Variants in MAML2 observed in about 807,000 individuals in gnomAD.
MAML2 encodes mastermind like transcriptional coactivator 2.
In MAML2, 22 loss-of-function variants were observed where a neutral mutation model predicts 96.1. That is an observed-to-expected ratio of 0.23 (90% confidence interval 0.16 to 0.33). The LOEUF (loss-of-function observed/expected upper bound fraction) is 0.33, where lower values mean the gene tolerates loss of function less well. MAML2 is among the 10% of genes least tolerant of loss of function. MAML2 has a pLI of 1.00. For missense variants in MAML2, 1,367 were observed against 1,392.4 expected (o/e 0.98, Z 0.29); for synonymous variants, 561 against 521.3 (o/e 1.08, Z -1.04).
At chr11:96,275,269 A>ATTT (rs56407815) in intron 1 of MAML2, among the ~76,000 whole-genome samples, 38 of 111,738 alleles carry the variant, frequency 3.4e-4, no homozygotes, top group East Asian at 5.8e-4. Context: ...ACACTAAGGA[A>ATTT]TTTTTTTTTT....
chr11:96,319,135 C>G (rs1863669823), intron 1 of MAML2, among the ~76,000 whole-genome samples: 1 of 152,164 alleles, frequency 6.6e-6, no homozygotes, highest in African/African-American at 2.4e-5. Flanking sequence ...ACTCATGCAG[C>G]CTATACGGAG....
At chr11:96,072,917 T>A (rs1859370050) in intron 2 of MAML2, among the ~76,000 whole-genome samples, 1 of 152,210 alleles carries the variant, frequency 6.6e-6, no homozygotes, top group Admixed American at 6.5e-5. Context: ...TCATGGTGGC[T>A]CCATTTCAGT....
chr11:96,128,251 G>A (rs1445136310), intron 1 of MAML2, among the ~76,000 whole-genome samples: 6 of 152,016 alleles, frequency 3.9e-5, no homozygotes, highest in African/African-American at 9.7e-5. Context: ...AAAATTAGCC[G>A]GGTGTGGTGG....
intron 1 of MAML2, among the ~76,000 whole-genome samples, chr11:96,297,974 A>G (rs1021840584): frequency 3.0e-4 from 45 of 152,336 alleles, no homozygotes; most frequent in African/African-American, 1.0e-3. Context: ...AGAGTTGAAT[A>G]GTTGAAATCA....
At chr11:96,177,912 TTAGTTGTG>T (rs1861411514) in intron 1 of MAML2, among the ~76,000 whole-genome samples, 1 of 119,182 alleles carries the variant, frequency 8.4e-6, no homozygotes, top group Admixed American at 8.5e-5. Context: ...TCTGGAGACC[TTAGTTGTG>T]TGTGTGTGTG....
chr11:96,215,335 A>G (rs960170729), intron 1 of MAML2, among the ~76,000 whole-genome samples: 1 of 152,208 alleles, frequency 6.6e-6, no homozygotes, highest in Non-Finnish European at 1.5e-5. Context: ...ATCTTCATCA[A>G]GGCCTCACGA....
intron 2 of MAML2, among the ~76,000 whole-genome samples, chr11:96,071,262 C>T (rs1374955384): frequency 3.3e-5 from 5 of 152,258 alleles, no homozygotes; most frequent in East Asian, 1.9e-4. Context: ...TATAAGACCA[C>T]AGAGTCAAAG....
rs1862647651 is a variant in MAML2, at chr11:96,255,320, T to A, written c.513+86063A>T. On this transcript the variant is annotated intron_variant, in intron 1 of 4. Coordinates refer to ENST00000524717, the MANE Select transcript of MAML2 (RefSeq NM_032427.4). The stretch of plus-strand genomic sequence containing the variant: ...TATTGATTGAATGCTGATTACTGAC[T>A]GAGCATAGAAACTATTTCAGTGAAT... Among the ~76,000 whole-genome samples the A allele has an allele frequency of 2.0e-5, 3 of 152,256 alleles. No homozygotes were observed. The South Asian group carries it at 6.2e-4, about 31-fold the overall frequency.
At chr11:96,283,856 TG>T (rs1863102710) in intron 1 of MAML2, among the ~76,000 whole-genome samples, 1 of 152,242 alleles carries the variant, frequency 6.6e-6, no homozygotes, top group Admixed American at 6.5e-5. Context: ...TGAGATTTTT[TG>T]GTCTCTAACT....
At chr11:96,033,764 C>T (rs1014255310) in intron 2 of MAML2, among the ~76,000 whole-genome samples, 1 of 152,062 alleles carries the variant, frequency 6.6e-6, no homozygotes, top group South Asian at 2.1e-4. Context: ...TTCCAGGTTG[C>T]ATTGGCTGGG....
At chr11:96,033,772 G>T (rs518716) in intron 2 of MAML2, among the ~76,000 whole-genome samples, 4 of 151,768 alleles carry the variant, frequency 2.6e-5, no homozygotes, top group Admixed American at 1.3e-4. Context: ...TGCATTGGCT[G>T]GGTTTCATCT....
chr11:96,160,068 G>C (rs1490624622), intron 1 of MAML2, among the ~76,000 whole-genome samples: 1 of 152,134 alleles, frequency 6.6e-6, no homozygotes, highest in Non-Finnish European at 1.5e-5. Context: ...GCCTGCCACA[G>C]TGCTTTTCCC....
At chr11:96,313,241 A>C (rs1314685824) in intron 1 of MAML2, among the ~76,000 whole-genome samples, 3 of 152,170 alleles carry the variant, frequency 2.0e-5, no homozygotes, top group Non-Finnish European at 4.4e-5. Flanking sequence ...TGAGACCAAT[A>C]GTCTAACTCT....
chr11:96,300,207 G>A (rs1365114860), intron 1 of MAML2, among the ~76,000 whole-genome samples: 2 of 152,186 alleles, frequency 1.3e-5, no homozygotes, highest in Non-Finnish European at 2.9e-5. Context: ...TGGAGCTTAT[G>A]TGAATGCTAA....
intron 1 of MAML2, among the ~76,000 whole-genome samples, chr11:96,154,854 T>C (rs763456677): frequency 5.9e-5 from 9 of 152,188 alleles, no homozygotes; most frequent in Non-Finnish European, 8.8e-5. Context: ...TAAGATGTCC[T>C]GGAGGAAGCA....
At chr11:96,119,183 C>T (rs1043633358) in intron 1 of MAML2, among the ~76,000 whole-genome samples, 1 of 152,106 alleles carries the variant, frequency 6.6e-6, no homozygotes. Flanking sequence ...TGCCTTAATC[C>T]CTGGGACCTG....
intron 1 of MAML2, among the ~76,000 whole-genome samples, chr11:96,096,363 G>A (rs908873541): frequency 2.0e-5 from 3 of 152,142 alleles, no homozygotes; most frequent in East Asian, 1.9e-4. Flanking sequence ...GTGAGACATC[G>A]TACTAAGCAC....
chr11:96,266,910 G>C (rs1031763278), intron 1 of MAML2, among the ~76,000 whole-genome samples: 2 of 152,120 alleles, frequency 1.3e-5, no homozygotes, highest in Non-Finnish European at 2.9e-5. Context: ...AAATACGTGA[G>C]GCTTAATAAA....
intron 1 of MAML2, among the ~76,000 whole-genome samples, chr11:96,298,008 A>AC (rs1158436293): frequency 6.6e-6 from 1 of 151,742 alleles, no homozygotes; most frequent in Non-Finnish European, 1.5e-5. Flanking sequence ...TTCTGCACCT[A>AC]CCCCCCTTGC....
Sources: allele counts gnomAD v4.1 joint callset (sites outside exome capture counted in the v4.1 genomes callset), GRCh38; gene constraint gnomAD v4.1.1; transcripts MANE v1.5; gene names NCBI Gene and HGNC (gene_info 2026-07-23, HGNC 2026-07-21).